The following NALF1 variants were observed in gnomAD, a reference collection of about 807,000 sequenced individuals.
NALF1 encodes family with sequence similarity 155 member A.
In NALF1, 3 loss-of-function variants were observed where a neutral mutation model predicts 48.4. That is an observed-to-expected ratio of 0.06 (90% confidence interval 0.03 to 0.16). The LOEUF is 0.16. Ranked by LOEUF, NALF1 falls within the 10% of genes least tolerant of loss-of-function variation. The probability of loss-of-function intolerance (pLI) is 1.00; values close to 1 mark genes in which losing one functional copy is unlikely to be tolerated. For synonymous variants in NALF1, 262 were observed against 245.7 expected (o/e 1.07, Z -0.62); for missense variants, 526 against 571.5 (o/e 0.92, Z 0.81).
chr13:107,349,752 AAAAG>A (rs1302005955), intron 1 of NALF1, among the ~76,000 whole-genome samples: 2 of 151,796 alleles, frequency 1.3e-5, no homozygotes, highest in East Asian at 3.9e-4. Context: ...AAAAAAAAAA[AAAAG>A]AAACTGAGGT....
chr13:107,455,910 C>A (rs4620828), intron 1 of NALF1, among the ~76,000 whole-genome samples: 28,205 of 151,628 alleles, frequency 0.19, 3,064 homozygotes, highest in African/African-American at 0.29. Flanking sequence ...TAGGATGTGC[C>A]ACAGTTTACC....
chr13:107,400,443 T>C (rs755466777), intron 1 of NALF1, among the ~76,000 whole-genome samples: 3 of 151,990 alleles, frequency 2.0e-5, no homozygotes, highest in Non-Finnish European at 4.4e-5. Context: ...AGGGTGGGCG[T>C]GATGGTTCAC....
At chr13:107,832,802 A>G (rs1483530503) in intron 1 of NALF1, among the ~76,000 whole-genome samples, 1 of 152,152 alleles carries the variant, frequency 6.6e-6, no homozygotes, top group African/African-American at 2.4e-5. Context: ...TCCTTCCTAC[A>G]GTGCTGCTGT....
At chr13:107,626,673 A>G (rs1879683273) in intron 1 of NALF1, among the ~76,000 whole-genome samples, 1 of 151,988 alleles carries the variant, frequency 6.6e-6, no homozygotes, top group South Asian at 2.1e-4. Flanking sequence ...TAAATGAAAT[A>G]ATCCAAGCAC....
chr13:107,307,470 T>C (rs960512974), intron 1 of NALF1, among the ~76,000 whole-genome samples: 3 of 151,598 alleles, frequency 2.0e-5, no homozygotes, highest in Admixed American at 6.6e-5. Context: ...TGATCTCTCT[T>C]TTTTATTTTT....
chr13:107,321,665 C>T (rs929049102), intron 1 of NALF1, among the ~76,000 whole-genome samples: 1 of 152,094 alleles, frequency 6.6e-6, no homozygotes, highest in African/African-American at 2.4e-5. Context: ...CCTGGCCCTG[C>T]GTCTAGAACT....
At chr13:107,174,266 G>A (rs112977937) in intron 2 of NALF1, among the ~76,000 whole-genome samples, 95 of 152,298 alleles carry the variant, frequency 6.2e-4, no homozygotes, top group African/African-American at 2.0e-3. Flanking sequence ...GGAAGTCTGG[G>A]CACCTAAGGA....
intron 1 of NALF1, among the ~76,000 whole-genome samples, chr13:107,303,170 T>G (rs1881870602): frequency 6.6e-6 from 1 of 152,202 alleles, no homozygotes; most frequent in East Asian, 1.9e-4. Context: ...CATGTGTTTG[T>G]TGGCCATTTG....
At chr13:107,297,376 T>A (rs965134394) in intron 1 of NALF1, among the ~76,000 whole-genome samples, 2 of 152,198 alleles carry the variant, frequency 1.3e-5, no homozygotes, top group Admixed American at 6.5e-5. Flanking sequence ...TGAGATCTTG[T>A]ACAATTAATT....
intron 1 of NALF1, among the ~76,000 whole-genome samples, chr13:107,573,152 G>A (rs1443757718): frequency 6.6e-6 from 1 of 152,140 alleles, no homozygotes; most frequent in Non-Finnish European, 1.5e-5. Context: ...TGTTGCTCTA[G>A]ACCTCTGACC....
At chr13:107,471,933 G>GA (rs1307596841) in intron 1 of NALF1, among the ~76,000 whole-genome samples, 1 of 152,082 alleles carries the variant, frequency 6.6e-6, no homozygotes, top group Non-Finnish European at 1.5e-5. Flanking sequence ...AAACAGTCAA[G>GA]AAAAAAATGT....
intron 1 of NALF1, among the ~76,000 whole-genome samples, chr13:107,228,274 A>T (rs1326643695): frequency 2.0e-5 from 3 of 152,216 alleles, no homozygotes; most frequent in Non-Finnish European, 2.9e-5. Context: ...CCAAATTGAC[A>T]GTCTAATTCA....
chr13:107,200,842 T>C (rs1594066889), intron 2 of NALF1, among the ~76,000 whole-genome samples: 1 of 152,306 alleles, frequency 6.6e-6, no homozygotes, highest in East Asian at 1.9e-4. Context: ...TTCGAAAGTA[T>C]GTAATATCAA....
At chr13:107,458,426 C>A (rs1256143638) in intron 1 of NALF1, among the ~76,000 whole-genome samples, 1 of 152,196 alleles carries the variant, frequency 6.6e-6, no homozygotes, top group Non-Finnish European at 1.5e-5. Flanking sequence ...GAGGCAGGGG[C>A]CGCCTGACAT....
chr13:107,672,186 A>G (rs906555196), intron 1 of NALF1, among the ~76,000 whole-genome samples: 3 of 152,204 alleles, frequency 2.0e-5, no homozygotes, highest in Non-Finnish European at 1.5e-5. Context: ...TAAGCCTATT[A>G]TCCAATCCAC....
chr13:107,210,567 C>T lies in NALF1; in HGVS notation c.1087+17G>A, dbSNP rs550721814. The stretch of plus-strand genomic sequence containing the variant: ...ACCACCGGAGACTGGTGTACAGACT[C>T]CCACCCGGCACTGTACCTGTACAGA... On this transcript the variant is annotated intron_variant, in intron 2 of 2. Transcript: ENST00000375915. 5.7e-6 allele frequency: 9 copies of T among 1,591,008 alleles called. No homozygotes were observed. The African/African-American group carries it at 6.7e-5, about 12-fold the overall frequency.
chr13:107,745,677 A>G (rs9301255), intron 1 of NALF1, among the ~76,000 whole-genome samples: 110,050 of 151,974 alleles, frequency 0.72, 42,300 homozygotes, highest in Non-Finnish European at 0.84. Context: ...GAGCAATACC[A>G]TAGATCCAGG....
intron 1 of NALF1, among the ~76,000 whole-genome samples, chr13:107,428,366 C>A (rs1034228588): frequency 6.6e-6 from 1 of 152,208 alleles, no homozygotes; most frequent in East Asian, 1.9e-4. Flanking sequence ...CTAGACCCAG[C>A]ATTTGGGAGC....
At chr13:107,401,132 C>T (rs937733086) in intron 1 of NALF1, among the ~76,000 whole-genome samples, 1 of 152,184 alleles carries the variant, frequency 6.6e-6, no homozygotes, top group Non-Finnish European at 1.5e-5. Context: ...TTAAATGTTA[C>T]TGCATTCTGA....
Sources: allele counts gnomAD v4.1 joint callset (sites outside exome capture counted in the v4.1 genomes callset), GRCh38; gene constraint gnomAD v4.1.1; transcripts MANE v1.5; gene names NCBI Gene and HGNC (gene_info 2026-07-23, HGNC 2026-07-21).